Variants in MRPS28 observed in about 807,000 individuals in gnomAD.
MRPS28 encodes mitochondrial ribosomal protein S28, also known as small ribosomal subunit protein bS1m.
Under a neutral mutation model 10.8 loss-of-function variants are expected in MRPS28, and 7 were observed. That is an observed-to-expected ratio of 0.65 (90% CI 0.37 to 1.22). The LOEUF (loss-of-function observed/expected upper bound fraction) is 1.22, where lower values mean the gene tolerates loss of function less well. Ranked by LOEUF, MRPS28 falls within the 50% of genes most tolerant of loss-of-function variation. The probability of loss-of-function intolerance (pLI) is 0.02; values close to 1 mark genes in which losing one functional copy is unlikely to be tolerated. For missense variants in MRPS28, 265 were observed against 232.9 expected, an observed-to-expected ratio of 1.14 and a Z score of -0.90; for synonymous variants, 121 against 93.3, an observed-to-expected ratio of 1.30 and a Z score of -1.71.
At chr8:80,028,650 G>GGGGGGGGGGGGGCT (rs1809556456) in intron 1 of MRPS28, 1 of 85,510 alleles carries the variant, frequency 1.2e-5, no homozygotes, top group Non-Finnish European at 2.6e-5. Flanking sequence ...GAAGACGGGC[G>GGGGGGGGGGGGGCT]GGGGGGGCGG....
chr8:80,027,553 A>G (rs1000842117), intron 1 of MRPS28, among the ~76,000 whole-genome samples: 5 of 152,230 alleles, frequency 3.3e-5, no homozygotes, highest in African/African-American at 1.2e-4. Flanking sequence ...CAATAAGTAA[A>G]TAACCTCATT....
At chr8:79,949,594 A>G (rs780933202) in intron 2 of MRPS28, among the ~76,000 whole-genome samples, 1 of 152,184 alleles carries the variant, frequency 6.6e-6, no homozygotes, top group Non-Finnish European at 1.5e-5. Flanking sequence ...ACCTTTCCAG[A>G]TATCTCCTAT....
chr8:79,922,713 A>G (rs1018540024), intron 2 of MRPS28, among the ~76,000 whole-genome samples: 10 of 152,118 alleles, frequency 6.6e-5, no homozygotes, highest in Non-Finnish European at 1.5e-4. Flanking sequence ...ACTGATACCC[A>G]TTTGCCTTTC....
At chr8:79,947,451 A>G (rs1040088119) in intron 2 of MRPS28, among the ~76,000 whole-genome samples, 1 of 152,070 alleles carries the variant, frequency 6.6e-6, no homozygotes, top group Non-Finnish European at 1.5e-5. Flanking sequence ...AAATCCTACT[A>G]TGATTTTGAC....
chr8:79,956,366 T>C (rs151223024), intron 2 of MRPS28: 1 of 152,302 alleles, frequency 6.6e-6, no homozygotes, highest in Admixed American at 6.5e-5. Flanking sequence ...TTATACTTTA[T>C]TATAATTATA....
In MRPS28 at chr8:79,982,201, C is replaced by G. The variant is rs182769914; in HGVS notation, c.395+20798G>C. Among the ~76,000 whole-genome samples the G allele has an allele frequency of 1.3e-4, 20 of 152,220 alleles. 2 individuals carry two copies. The highest frequency in any genetic ancestry group is 5.8e-4 in the East Asian group (3 of 5,178). On this transcript the variant is annotated intron_variant, in intron 2 of 2. Coordinates refer to ENST00000276585, the MANE Select transcript of MRPS28 (RefSeq NM_014018.3). ...GGCAGAGGTTGCAGTGAGTCAAGAT[C>G]GCACCACTGCATTCCAGCCTGGGCA... is the stretch of plus-strand genomic sequence containing the variant.
intron 1 of MRPS28, among the ~76,000 whole-genome samples, chr8:80,025,993 A>T (rs1809485400): frequency 1.3e-5 from 2 of 152,036 alleles, no homozygotes; most frequent in South Asian, 4.2e-4. Context: ...TAAAAAACAC[A>T]CTCTCCAGCC....
At chr8:79,921,643 A>G (rs1810097227) in intron 2 of MRPS28, among the ~76,000 whole-genome samples, 3 of 152,110 alleles carry the variant, frequency 2.0e-5, no homozygotes, top group Admixed American at 6.5e-5. Flanking sequence ...GTATCCTGAG[A>G]CTTTGCTGAA....
chr8:79,937,197 G>A (rs1002729042), intron 2 of MRPS28, among the ~76,000 whole-genome samples: 10 of 152,022 alleles, frequency 6.6e-5, no homozygotes, highest in African/African-American at 2.4e-4. Flanking sequence ...AAAAAACTCT[G>A]CATTATTGCC....
At chr8:80,023,098 C>G (rs1809409765) in intron 1 of MRPS28, among the ~76,000 whole-genome samples, 1 of 152,148 alleles carries the variant, frequency 6.6e-6, no homozygotes, top group South Asian at 2.1e-4. Flanking sequence ...CTGGTCATTT[C>G]CTCTAAACAT....
Position 79,918,908 on chromosome 8 carries a change from CAATT to C in MRPS28, c.*68_*71del, listed in dbSNP as rs908908328. On this transcript the variant is annotated 3_prime_UTR_variant, in exon 3 of 3. Coordinates refer to ENST00000276585, the MANE Select transcript of MRPS28 (RefSeq NM_014018.3). Reference sequence around the variant, plus strand: ...ATATCTTCATTCAATCATTTATTCACAATTAGTCTAATTGCATTCTTGATGAATA... The same window carrying C: ...ATATCTTCATTCAATCATTTATTCACAGTCTAATTGCATTCTTGATGAATA... 1 of 1,160,936 alleles carries C rather than the reference CAATT, an allele frequency of 8.6e-7. No homozygotes were observed. Among genetic ancestry groups the C allele is most frequent in the Non-Finnish European group, 1.2e-6 (1 of 862,936 alleles). 71.9% of individuals were successfully genotyped at this position (1,160,936 alleles called of 1,614,324 possible).
intron 2 of MRPS28, among the ~76,000 whole-genome samples, chr8:79,921,839 GA>G (rs1277512044): frequency 1.3e-5 from 2 of 152,184 alleles, no homozygotes; most frequent in African/African-American, 4.8e-5. Flanking sequence ...AGTGGTGAGA[GA>G]GGGCATCCCT....
At chr8:79,944,124 T>C (rs947228079) in intron 2 of MRPS28, among the ~76,000 whole-genome samples, 1 of 152,222 alleles carries the variant, frequency 6.6e-6, no homozygotes, top group African/African-American at 2.4e-5. Flanking sequence ...TGGGGTTCCA[T>C]TTGTGAAATA....
intron 2 of MRPS28, among the ~76,000 whole-genome samples, chr8:80,000,631 G>A (rs1345089043): frequency 6.6e-6 from 1 of 152,176 alleles, no homozygotes; most frequent in Non-Finnish European, 1.5e-5. Flanking sequence ...TGTAATAGAT[G>A]CCAGTATTTA....
rs145140397 is a variant in MRPS28 at position 80,013,425 on chromosome 8, C to T, written c.214-10245G>A. ...TGAGGTAGGTGGATCACCTGAGGTC[C>T]GGAATTCGAGAACAGCCTGACCAAC... On this transcript the variant is annotated intron_variant, in intron 1 of 2. Transcript: ENST00000276585. 2.6e-3 allele frequency among the ~76,000 whole-genome samples: 391 copies of T among 151,658 alleles called. 3 individuals carry two copies. Among genetic ancestry groups the T allele is most frequent in the East Asian group, 0.014 (74 of 5,154 alleles).
At chr8:79,977,443 T>A (rs1807832304) in intron 2 of MRPS28, among the ~76,000 whole-genome samples, 1 of 152,156 alleles carries the variant, frequency 6.6e-6, no homozygotes, top group African/African-American at 2.4e-5. Context: ...AAACAAATGA[T>A]TTAAAGCTTT....
chr8:79,939,355 G>C (rs2129925546), intron 2 of MRPS28, among the ~76,000 whole-genome samples: 1 of 152,078 alleles, frequency 6.6e-6, no homozygotes, highest in Non-Finnish European at 1.5e-5. Flanking sequence ...TGGCATAGTA[G>C]TTTTAAAGCA....
At position 79,954,366 on chromosome 8, in the gene MRPS28, T is replaced by C. The variant is rs540574184; in HGVS notation, c.396-35218A>G. On this transcript the variant is annotated intron_variant, in intron 2 of 2. Coordinates refer to ENST00000276585, the MANE Select transcript of MRPS28 (RefSeq NM_014018.3). ...CTATATATGCACACATACACACTCA[T>C]GGAAACTCTGTTCCAAAAAGGGGGA... is the stretch of plus-strand genomic sequence containing the variant. 1.4e-4 allele frequency among the ~76,000 whole-genome samples: 22 copies of C among 152,224 alleles called. No homozygotes were observed. In the South Asian group the frequency reaches 2.1e-3, roughly 14 times the overall value.
chr8:79,922,813 A>C lies in MRPS28; in HGVS notation c.396-3665T>G, dbSNP rs1810130335. ...GCTGGTTAAAAATCACAAATCTTTAACAGTCTAAATATATACTTTATATAT... is the reference window on the plus strand; with the variant it reads ...GCTGGTTAAAAATCACAAATCTTTACCAGTCTAAATATATACTTTATATAT... On this transcript the variant is annotated intron_variant, in intron 2 of 2. Transcript: ENST00000276585. Among the ~76,000 whole-genome samples the C allele has an allele frequency of 2.0e-5, 3 of 152,030 alleles. No homozygotes were observed. In the South Asian group the frequency reaches 6.2e-4, roughly 32 times the overall value.
Sources: gnomAD v4.1 joint callset for allele counts (sites outside exome capture counted in the v4.1 genomes callset) on GRCh38, gnomAD v4.1.1 for gene constraint, MANE v1.5 for transcripts, NCBI Gene and HGNC (gene_info 2026-07-23, HGNC 2026-07-21) for gene names.